Variants in TGFBRAP1 observed in about 807,000 individuals in gnomAD.
The protein encoded by TGFBRAP1 is transforming growth factor-beta receptor-associated protein 1.
A neutral mutation model predicts 83.2 loss-of-function variants in TGFBRAP1; 20 were observed. The ratio of observed to expected loss-of-function variants is 0.24; its 90% CI spans 0.17 to 0.35. TGFBRAP1 has a LOEUF of 0.35. Ranked by LOEUF, TGFBRAP1 falls within the 10% of genes least tolerant of loss-of-function variation. The probability of loss-of-function intolerance (pLI) is 1.00; values close to 1 mark genes in which losing one functional copy is unlikely to be tolerated. For synonymous variants in TGFBRAP1, 415 were observed against 459.8 expected (o/e 0.90, Z 1.25); for missense variants, 950 against 1,099.4 (o/e 0.86, Z 1.92).
At chr2:105,328,300 A>G (rs1400672408) in intron 1 of TGFBRAP1, among the ~76,000 whole-genome samples, 1 of 152,158 alleles carries the variant, frequency 6.6e-6, no homozygotes, top group African/African-American at 2.4e-5. Flanking sequence ...CTAGTTATGG[A>G]CAGGTTCCAG....
chr2:105,281,346 G>C (rs1398839611), intron 5 of TGFBRAP1, among the ~76,000 whole-genome samples: 1 of 152,154 alleles, frequency 6.6e-6, no homozygotes, highest in African/African-American at 2.4e-5. Context: ...GCTACAATCA[G>C]AGCAGGAGCT....
rs35548542 is a variant in TGFBRAP1 at position 105,302,009 on chromosome 2, T to TAAA, written c.689-3307_689-3305dup. Among the ~76,000 whole-genome samples, 277 of 75,072 alleles carry TAAA rather than the reference T, an allele frequency of 3.7e-3. 3 individuals carry two copies. Among genetic ancestry groups the TAAA allele is most frequent in the African/African-American group, 0.013 (252 of 19,190 alleles). The allele number at this position is 75,072 out of a possible 152,430, so 49.3% of individuals were successfully genotyped here. A position where few individuals can be genotyped will look rare whatever the true frequency, so the allele number is the denominator to read the frequency against. On this transcript the variant is annotated intron_variant, in intron 2 of 11. Transcript: ENST00000393359. ...GGTATCTCAAACATATAAAGAATAC[T>TAAA]AAAAAAAAAAAAAAAAAAAAGGCCT...
chr2:105,327,696 C>T (rs963913154), intron 1 of TGFBRAP1, among the ~76,000 whole-genome samples: 3 of 152,180 alleles, frequency 2.0e-5, no homozygotes, highest in African/African-American at 7.2e-5. Context: ...GGGCCCTTTA[C>T]AAATCCCTGT....
the TGFBRAP1 span, among the ~76,000 whole-genome samples, chr2:105,252,748 CA>C: frequency 9.5e-6 from 1 of 105,576 alleles, no homozygotes; most frequent in Non-Finnish European, 1.9e-5. Context: ...ATGATATTAA[CA>C]TCTTTTTTTT....
intron 2 of TGFBRAP1, among the ~76,000 whole-genome samples, chr2:105,300,560 C>T (rs1678252330): frequency 6.6e-6 from 1 of 151,570 alleles, no homozygotes; most frequent in Non-Finnish European, 1.5e-5. Flanking sequence ...CCTCAGGCTC[C>T]TGAGTAGCTG....
chr2:105,250,671 C>G, the TGFBRAP1 span, among the ~76,000 whole-genome samples: 93 of 144,620 alleles, frequency 6.4e-4, no homozygotes, highest in East Asian at 1.7e-3. Context: ...GTCTCCCTCT[C>G]CCTCTCTTTC....
At chr2:105,277,865 G>C (rs557181377) in intron 6 of TGFBRAP1, among the ~76,000 whole-genome samples, 194 bp from the exon 7 acceptor site, 1 of 152,270 alleles carries the variant, frequency 6.6e-6, no homozygotes, top group South Asian at 2.1e-4. Context: ...ACCAGCCTGG[G>C]CAACAACATA....
intron 4 of TGFBRAP1, among the ~76,000 whole-genome samples, chr2:105,294,814 G>A (rs915287740): frequency 6.6e-6 from 1 of 152,228 alleles, no homozygotes; most frequent in South Asian, 2.1e-4. Context: ...AGCATTGAAA[G>A]CCTCTGTAAG....
At chr2:105,294,307 G>GGTGTGTGT (rs3060066) in intron 4 of TGFBRAP1, among the ~76,000 whole-genome samples, 20,183 of 147,882 alleles carry the variant, frequency 0.14, 1,556 homozygotes, top group Non-Finnish European at 0.18. Flanking sequence ...TAGGAGTGAG[G>GGTGTGTGT]GTGTGTGTGT....
At chr2:105,302,196 A>G (rs1678323123) in intron 2 of TGFBRAP1, among the ~76,000 whole-genome samples, 1 of 152,206 alleles carries the variant, frequency 6.6e-6, no homozygotes, top group Non-Finnish European at 1.5e-5. Context: ...TTTGGACAAC[A>G]TCCTCTGTTG....
intron 6 of TGFBRAP1, among the ~76,000 whole-genome samples, chr2:105,280,050 C>A (rs1167723823): frequency 6.8e-6 from 1 of 146,282 alleles, no homozygotes; most frequent in Non-Finnish European, 1.5e-5. Flanking sequence ...AAAAAATAGT[C>A]ATTAAAAAAA....
chr2:105,256,716 T>A, the TGFBRAP1 span, among the ~76,000 whole-genome samples: 1 of 152,164 alleles, frequency 6.6e-6, no homozygotes, highest in South Asian at 2.1e-4. Context: ...ACCAGAGCAC[T>A]CCATCTTGAA....
In TGFBRAP1 at chr2:105,280,462, G is replaced by A. The variant is rs147861156; in HGVS notation, c.1383C>T (p.His461=). Residue 461 remains histidine (H), a synonymous_variant, in exon 6 of 12, where the codon CAC becomes CAT. Transcript: ENST00000393359. ...TGACCAGGAGGTCCAGCAGGCTGTC[G>A]TGGTCAGCCTCTGCATACAGTTTGA... The part of the protein sequence containing the change: ...ALLKLYAEAD[H]DSLLDLLVTE... 8.1e-5 allele frequency: 131 copies of A among 1,614,198 alleles called. 1 individual carries two copies. In the Admixed American group the frequency reaches 1.8e-3, roughly 22 times the overall value.
rs910282894 is a variant in TGFBRAP1, at chr2:105,320,354, T to C, written c.-18+9271A>G. ...TATCTGCATTTTAAAAAGGACACAC[T>C]ACCTCAAGTAAGATTTGTTATTTTC... On this transcript the variant is annotated intron_variant, in intron 1 of 11. Transcript: ENST00000393359. Among the ~76,000 whole-genome samples, 65 of 152,184 alleles carry C rather than the reference T, an allele frequency of 4.3e-4. 2 individuals carry two copies. The highest frequency in any genetic ancestry group is 2.6e-4 in the Non-Finnish European group (18 of 68,028).
At chr2:105,260,796 A>C (rs1185342381), downstream of TGFBRAP1, among the ~76,000 whole-genome samples, 1 of 152,238 alleles carries the variant, frequency 6.6e-6, no homozygotes, top group Non-Finnish European at 1.5e-5. Flanking sequence ...TGAAAATGGC[A>C]AGAATATTAA....
chr2:105,255,558 C>T, the TGFBRAP1 span, among the ~76,000 whole-genome samples: 1 of 140,118 alleles, frequency 7.1e-6, no homozygotes, highest in Admixed American at 7.1e-5. Context: ...TGGCCTCAAG[C>T]GGTCCTCCTC....
chr2:105,255,439 A>G, the TGFBRAP1 span, among the ~76,000 whole-genome samples: 1 of 152,064 alleles, frequency 6.6e-6, no homozygotes, highest in Non-Finnish European at 1.5e-5. Context: ...CTCCTGCCTC[A>G]GCCTCCTGAG....
intron 1 of TGFBRAP1, among the ~76,000 whole-genome samples, chr2:105,329,230 G>A (rs1679301388): frequency 6.6e-6 from 1 of 151,820 alleles, no homozygotes; most frequent in Non-Finnish European, 1.5e-5. Context: ...CCTTCTCCCC[G>A]GAAAACCCAA....
chr2:105,321,869 T>G (rs1679078466), intron 1 of TGFBRAP1, among the ~76,000 whole-genome samples: 1 of 152,238 alleles, frequency 6.6e-6, no homozygotes, highest in South Asian at 2.1e-4. Context: ...TATGTAGTAC[T>G]TGATATAATA....
Sources: gnomAD v4.1 joint callset for allele counts (sites outside exome capture counted in the v4.1 genomes callset) on GRCh38, gnomAD v4.1.1 for gene constraint, MANE v1.5 for transcripts, NCBI Gene and HGNC (gene_info 2026-07-23, HGNC 2026-07-21) for gene names.